The following GLG1 variants were observed in gnomAD, a reference collection of about 807,000 sequenced individuals.
The protein encoded by GLG1 is golgi glycoprotein 1.
Under a neutral mutation model 160.5 loss-of-function variants are expected in GLG1, and 38 were observed. That is an observed-to-expected ratio of 0.24 (90% CI 0.18 to 0.31). The LOEUF (loss-of-function observed/expected upper bound fraction) is 0.31, where lower values mean the gene tolerates loss of function less well. GLG1 is among the 10% of genes least tolerant of loss of function. GLG1 has a pLI of 1.00. For missense variants in GLG1, 1,373 were observed against 1,505.2 expected (o/e 0.91, Z 1.45); for synonymous variants, 644 against 543.4 (o/e 1.19, Z -2.57).
intron 2 of GLG1, among the ~76,000 whole-genome samples, chr16:74,530,815 A>T (rs1451662693): frequency 2.6e-5 from 4 of 152,066 alleles, no homozygotes; most frequent in Non-Finnish European, 5.9e-5. Flanking sequence ...GATATTTGCT[A>T]ATCAAATGGA....
At chr16:74,545,923 A>C (rs1420550985) in intron 1 of GLG1, among the ~76,000 whole-genome samples, 3 of 152,236 alleles carry the variant, frequency 2.0e-5, no homozygotes, top group African/African-American at 7.2e-5. Flanking sequence ...TAATAAAGCA[A>C]GATCAATGAC....
chr16:74,485,357 T>C (rs1268063982), intron 9 of GLG1, among the ~76,000 whole-genome samples: 1 of 152,210 alleles, frequency 6.6e-6, no homozygotes, highest in Non-Finnish European at 1.5e-5. Context: ...ACATTTTGTT[T>C]TCTATTTCTA....
At chr16:74,579,441 G>A (rs1462448984) in intron 1 of GLG1, among the ~76,000 whole-genome samples, 1 of 151,884 alleles carries the variant, frequency 6.6e-6, no homozygotes, top group African/African-American at 2.4e-5. Flanking sequence ...AAAACCCTTG[G>A]CCAGGCGCAG....
At chr16:74,462,702 C>A in intron 20 of GLG1, 72 bp from the exon 21 acceptor site, 1 of 1,355,992 alleles carries the variant, frequency 7.4e-7, no homozygotes, top group Non-Finnish European at 1.1e-6. Context: ...ATCCACCTTC[C>A]TAAAGGGAGC....
rs754981076 is a variant in GLG1, at chr16:74,606,849, TTGCTGTTGCTGCTGC to T, written c.231_245del (p.Gln80_Gln84del). The T allele has an allele frequency of 1.3e-4, 203 of 1,598,566 alleles. 2 individuals carry two copies. In the Middle Eastern group the frequency reaches 1.4e-3, roughly 11 times the overall value. ...GCGGCTGCGGCGGCTGAGGCTGCTG[TTGCTGTTGCTGCTGC>T]TGCTGTTGCTGCTGAAGCTGCGATG... On this transcript the variant is annotated inframe_deletion, in exon 1 of 26. Coordinates refer to ENST00000422840, the MANE Select transcript of GLG1 (RefSeq NM_001145667.2).
intron 1 of GLG1, among the ~76,000 whole-genome samples, chr16:74,604,215 G>C (rs1958510720): frequency 6.6e-6 from 1 of 152,180 alleles, no homozygotes; most frequent in East Asian, 1.9e-4. Flanking sequence ...TTTTCAGAAA[G>C]AAAAGTTCCA....
chr16:74,503,203 T>G (rs1003725772), intron 4 of GLG1, among the ~76,000 whole-genome samples: 2 of 151,612 alleles, frequency 1.3e-5, no homozygotes, highest in African/African-American at 4.8e-5. Flanking sequence ...GGAGACTCTG[T>G]TTCAAAAAAA....
Position 74,469,724 on chromosome 16 carries a change from T to C in GLG1, c.2318+261A>G, listed in dbSNP as rs2015129064. On this transcript the variant is annotated intron_variant, in intron 16 of 25. Coordinates refer to ENST00000422840, the MANE Select transcript of GLG1 (RefSeq NM_001145667.2). ...CTTCTCTAAGTACACAATCCAGCCC[T>C]ACTTGGTCAGTTAGATGGCCTGACC... is the stretch of plus-strand genomic sequence containing the variant. The C allele has an allele frequency of 2.0e-5, 10 of 490,380 alleles. No homozygotes were observed. In the South Asian group the frequency reaches 2.2e-4, roughly 11 times the overall value. The allele number at this position is 490,380 out of a possible 1,614,324, so 30.4% of individuals were successfully genotyped here.
At chr16:74,519,474 A>G (rs980934367) in intron 2 of GLG1, among the ~76,000 whole-genome samples, 1 of 152,126 alleles carries the variant, frequency 6.6e-6, no homozygotes, top group African/African-American at 2.4e-5. Context: ...CCCATAACTT[A>G]AAGTATAATA....
chr16:74,493,228 C>A (rs1362555315), intron 6 of GLG1, 88 bp from the exon 7 acceptor site: 2 of 786,532 alleles, frequency 2.5e-6, no homozygotes, highest in African/African-American at 1.8e-5. Context: ...AGCGACTCAG[C>A]CAAGTACATG....
chr16:74,554,305 G>C (rs766946032), intron 1 of GLG1, among the ~76,000 whole-genome samples: 12 of 152,170 alleles, frequency 7.9e-5, no homozygotes, highest in Non-Finnish European at 1.3e-4. Flanking sequence ...GGGCCGAGGC[G>C]GACGGATCAC....
chr16:74,481,947 C>T (rs1453798175), intron 10 of GLG1, among the ~76,000 whole-genome samples: 2 of 152,020 alleles, frequency 1.3e-5, no homozygotes, highest in African/African-American at 2.4e-5. Flanking sequence ...CACCTACGCC[C>T]GGCTAATTTT....
chr16:74,462,907 G>A, intron 20 of GLG1: 2 of 471,222 alleles, frequency 4.2e-6, no homozygotes, highest in Non-Finnish European at 7.5e-6. Flanking sequence ...AAAATCAAGG[G>A]GACATCAGCA....
chr16:74,586,613 T>G (rs1478461274), intron 1 of GLG1, among the ~76,000 whole-genome samples: 3 of 152,168 alleles, frequency 2.0e-5, no homozygotes, highest in Non-Finnish European at 4.4e-5. Flanking sequence ...CAGCTGGGAC[T>G]ACAGGAGCCT....
intron 2 of GLG1, among the ~76,000 whole-genome samples, chr16:74,513,418 C>A (rs1179006958): frequency 1.3e-5 from 2 of 152,002 alleles, no homozygotes; most frequent in African/African-American, 4.8e-5. Context: ...CAGGCAGGTG[C>A]CCCTCTGGGA....
At chr16:74,487,674 G>T (rs1343690639) in intron 8 of GLG1, among the ~76,000 whole-genome samples, 1 of 151,986 alleles carries the variant, frequency 6.6e-6, no homozygotes, top group Non-Finnish European at 1.5e-5. Flanking sequence ...TCTGAGAAAA[G>T]TTGGAAGCAA....
At chr16:74,590,104 TCTC>T (rs1418510533) in intron 1 of GLG1, among the ~76,000 whole-genome samples, 2 of 151,826 alleles carry the variant, frequency 1.3e-5, no homozygotes, top group African/African-American at 4.8e-5. Context: ...TTCATGCCAT[TCTC>T]CTGCCTCAGC....
intron 1 of GLG1, among the ~76,000 whole-genome samples, chr16:74,597,670 A>G (rs532650741): frequency 2.0e-5 from 3 of 151,778 alleles, no homozygotes; most frequent in East Asian, 3.9e-4. Context: ...TGACTAACAC[A>G]GTGAAATCCC....
At chr16:74,597,575 C>T (rs1022612906) in intron 1 of GLG1, among the ~76,000 whole-genome samples, 8 of 151,980 alleles carry the variant, frequency 5.3e-5, no homozygotes, top group African/African-American at 1.4e-4. Context: ...AAAAATTAGC[C>T]GGGCGCAGTG....
Sources: allele counts gnomAD v4.1 joint callset (sites outside exome capture counted in the v4.1 genomes callset), GRCh38; gene constraint gnomAD v4.1.1; transcripts MANE v1.5; gene names NCBI Gene and HGNC (gene_info 2026-07-23, HGNC 2026-07-21).